Variants in DPP6 observed in about 807,000 individuals in gnomAD.
DPP6 encodes A-type potassium channel modulatory protein DPP6.
In DPP6, 69 loss-of-function variants were observed where a neutral mutation model predicts 122.6. That is an observed-to-expected ratio of 0.56 (90% CI 0.46 to 0.69). The LOEUF is 0.69. DPP6 is among the 30% of genes least tolerant of loss of function. The probability of loss-of-function intolerance (pLI) is 0.00; values close to 1 mark genes in which losing one functional copy is unlikely to be tolerated. For synonymous variants in DPP6, 418 were observed against 433.1 expected, an observed-to-expected ratio of 0.97 and a Z score of 0.43; for missense variants, 928 against 1,116.9, an observed-to-expected ratio of 0.83 and a Z score of 2.41.
intron 5 of DPP6, among the ~76,000 whole-genome samples, chr7:154,572,510 C>CTTTTTTTTTTTTTTTTTTTTT (rs77816407): frequency 2.3e-5 from 2 of 86,140 alleles, no homozygotes; most frequent in African/African-American, 4.7e-5. Context: ...TTTTTCTTTT[C>CTTTTTTTTTTTTTTTTTTTTT]TTTTTTTTTT....
intron 6 of DPP6, among the ~76,000 whole-genome samples, chr7:154,662,924 G>C: frequency 1.5e-5 from 1 of 65,720 alleles, no homozygotes; most frequent in African/African-American, 4.0e-5. Context: ...TGTTCATATA[G>C]TCATGGTGAA....
chr7:153,846,018 G>A, the DPP6 span, among the ~76,000 whole-genome samples: 1 of 152,162 alleles, frequency 6.6e-6, no homozygotes, highest in Non-Finnish European at 1.5e-5. Context: ...TAGAAACCTT[G>A]CTCATAAGTT....
At chr7:154,739,895 C>T (rs1842740347) in intron 8 of DPP6, among the ~76,000 whole-genome samples, 2 of 152,190 alleles carry the variant, frequency 1.3e-5, no homozygotes, top group African/African-American at 4.8e-5. Context: ...ACAGGTTAAC[C>T]GCAAACCTCT....
At chr7:154,525,619 A>G (rs971043873) in intron 3 of DPP6, among the ~76,000 whole-genome samples, 8 of 152,244 alleles carry the variant, frequency 5.3e-5, no homozygotes, top group Non-Finnish European at 4.4e-5. Context: ...AGTAACTGTC[A>G]TATGATTATC....
intron 3 of DPP6, among the ~76,000 whole-genome samples, chr7:154,528,879 G>A (rs1258977366): frequency 6.6e-6 from 1 of 152,208 alleles, no homozygotes; most frequent in Non-Finnish European, 1.5e-5. Context: ...AGCAGTGTGA[G>A]GGAGTGCAGA....
At chr7:154,221,765 T>C (rs1468030416) in intron 1 of DPP6, among the ~76,000 whole-genome samples, 1 of 152,182 alleles carries the variant, frequency 6.6e-6, no homozygotes, top group African/African-American at 2.4e-5. Flanking sequence ...CATCTGAGAA[T>C]TGCTATTAAC....
the DPP6 span, among the ~76,000 whole-genome samples, chr7:153,756,985 A>T: frequency 2.0e-5 from 3 of 152,194 alleles, no homozygotes; most frequent in African/African-American, 7.2e-5. Flanking sequence ...TTTTTAAGTC[A>T]AAAGTTATAC....
chr7:154,255,952 G>A lies in DPP6; in HGVS notation c.244-190262G>A, dbSNP rs150299040. 1.5e-3 allele frequency among the ~76,000 whole-genome samples: 233 copies of A among 152,144 alleles called. 1 individual carries two copies. The highest frequency in any genetic ancestry group is 6.8e-3 in the Middle Eastern group (2 of 294). ...ATAAAATAAGAAGAGTAATATCTGC[G>A]CTCTTTACCAGTTTTCCTGAAGACC... On this transcript the variant is annotated intron_variant, in intron 1 of 25. Coordinates refer to ENST00000377770, the MANE Select transcript of DPP6 (RefSeq NM_130797.4).
intron 7 of DPP6, among the ~76,000 whole-genome samples, chr7:154,697,812 T>C (rs12719586): frequency 0.85 from 128,884 of 152,150 alleles, 54,709 homozygotes; most frequent in Non-Finnish European, 0.88. Flanking sequence ...AGCCATGGCG[T>C]GCGCGGCTCT....
At chr7:153,963,278 T>C (rs868488946) in intron 1 of DPP6, among the ~76,000 whole-genome samples, 1 of 151,524 alleles carries the variant, frequency 6.6e-6, no homozygotes, top group Admixed American at 6.6e-5. Flanking sequence ...ACCCCTCGGT[T>C]TCCCGAGCAC....
intron 1 of DPP6, among the ~76,000 whole-genome samples, chr7:154,275,729 G>A (rs1367205991): frequency 7.9e-5 from 12 of 152,222 alleles, no homozygotes; most frequent in Non-Finnish European, 1.5e-5. Context: ...GTGAGACGTT[G>A]TGGGGAAGGC....
chr7:154,015,851 A>G (rs1044552225), intron 1 of DPP6, among the ~76,000 whole-genome samples: 11 of 152,040 alleles, frequency 7.2e-5, no homozygotes, highest in African/African-American at 2.2e-4. Flanking sequence ...TAAGACAGCC[A>G]CAGGGATCCT....
At chr7:153,850,035 T>G in the DPP6 span, among the ~76,000 whole-genome samples, 1 of 152,212 alleles carries the variant, frequency 6.6e-6, no homozygotes, top group Admixed American at 6.5e-5. Context: ...TTCTCATGCT[T>G]TCCAGTTACT....
chr7:154,080,988 T>G (rs1184338139), intron 1 of DPP6, among the ~76,000 whole-genome samples: 1 of 152,094 alleles, frequency 6.6e-6, no homozygotes, highest in East Asian at 1.9e-4. Context: ...CTAAATCCCT[T>G]GAGATGTTTC....
intron 1 of DPP6, among the ~76,000 whole-genome samples, chr7:154,327,825 A>T (rs1290492554): frequency 6.6e-6 from 1 of 152,226 alleles, no homozygotes; most frequent in Non-Finnish European, 1.5e-5. Context: ...GGTTTCCAGA[A>T]TAGTAAAAAC....
intron 1 of DPP6, among the ~76,000 whole-genome samples, chr7:154,195,413 C>A (rs1047440570): frequency 4.6e-5 from 7 of 152,042 alleles, no homozygotes; most frequent in African/African-American, 1.7e-4. Context: ...TGGAAACTGC[C>A]GTTGGCTGGC....
intron 1 of DPP6, among the ~76,000 whole-genome samples, chr7:154,331,978 G>T (rs1426457687): frequency 6.6e-6 from 1 of 152,162 alleles, no homozygotes; most frequent in African/African-American, 2.4e-5. Context: ...TCACCAATTT[G>T]GGTGATGGGG....
At chr7:154,361,372 C>T (rs1218780773) in intron 1 of DPP6, among the ~76,000 whole-genome samples, 1 of 152,136 alleles carries the variant, frequency 6.6e-6, no homozygotes, top group African/African-American at 2.4e-5. Context: ...GTGAGATAGA[C>T]CACCACAGTG....
chr7:154,212,954 C>A (rs923610767), intron 1 of DPP6, among the ~76,000 whole-genome samples: 1 of 152,146 alleles, frequency 6.6e-6, no homozygotes. Context: ...GGAGGAGATC[C>A]AGAAGGCATT....
Sources: allele counts gnomAD v4.1 joint callset (sites outside exome capture counted in the v4.1 genomes callset), GRCh38; gene constraint gnomAD v4.1.1; transcripts MANE v1.5; gene names NCBI Gene and HGNC (gene_info 2026-07-23, HGNC 2026-07-21).